The following MYOCD variants were observed in gnomAD, a reference collection of about 807,000 sequenced individuals.
MYOCD encodes myocardin.
A neutral mutation model predicts 96.1 loss-of-function variants in MYOCD; 32 were observed. The ratio of observed to expected loss-of-function variants is 0.33; its 90% CI spans 0.25 to 0.45. The LOEUF is 0.45. Among genes scored for constraint, MYOCD ranks in the 20% least tolerant of loss-of-function variants. The pLI, the probability that MYOCD is intolerant of heterozygous loss-of-function variation, is 1.00. For missense variants in MYOCD, 1,133 were observed against 1,200.6 expected, an observed-to-expected ratio of 0.94 and a Z score of 0.83; for synonymous variants, 469 against 469.0, an observed-to-expected ratio of 1.00 and a Z score of 0.00.
At chr17:12,733,096 G>A (rs189369513) in intron 5 of MYOCD, among the ~76,000 whole-genome samples, 59 of 152,012 alleles carry the variant, frequency 3.9e-4, no homozygotes, top group African/African-American at 1.3e-3. Flanking sequence ...GGATCACGAG[G>A]TCAGGAGATC....
At chr17:12,742,880 AC>A (rs1198929086) in intron 7 of MYOCD, among the ~76,000 whole-genome samples, 1 of 152,064 alleles carries the variant, frequency 6.6e-6, no homozygotes, top group African/African-American at 2.4e-5. Context: ...CCTGAAAATT[AC>A]TTTTTTTTAA....
intron 1 of MYOCD, among the ~76,000 whole-genome samples, chr17:12,686,708 G>A (rs1297733713): frequency 1.3e-5 from 2 of 152,140 alleles, no homozygotes; most frequent in African/African-American, 2.4e-5. Context: ...GCTAGGCAGG[G>A]TACAGAAGAG....
Position 12,763,113 on chromosome 17 carries a change from A to G in MYOCD, c.2430A>G (p.Gln810=). 1.2e-6 allele frequency: 2 copies of G among 1,613,882 alleles called. No individual in the cohort carries two copies. The highest frequency in any genetic ancestry group is 1.7e-6 in the Non-Finnish European group (2 of 1,179,942). ...ADAREDHSCL[Q]KVPKIPRSSR... Reference sequence around the variant, plus strand: ...CTAGAGAGGATCACTCATGTCTTCAAAAAGTCCCAAAGATACCCAGATCTT... The same window carrying G: ...CTAGAGAGGATCACTCATGTCTTCAGAAAGTCCCAAAGATACCCAGATCTT... The change falls in exon 14 of 14, where the codon CAA becomes CAG. Residue 810 remains glutamine, a synonymous_variant. Coordinates refer to ENST00000425538, the MANE Select transcript of MYOCD (RefSeq NM_001146312.3).
At chr17:12,762,927 G>A (rs1371862846) in intron 13 of MYOCD, 146 bp from the exon 14 acceptor site, 3 of 640,936 alleles carry the variant, frequency 4.7e-6, no homozygotes, top group East Asian at 2.7e-5. Context: ...ATTGGAGATT[G>A]ATAGAGCAGC....
intron 1 of MYOCD, among the ~76,000 whole-genome samples, chr17:12,672,385 T>C (rs1350733398): frequency 6.6e-6 from 1 of 152,220 alleles, no homozygotes; most frequent in Non-Finnish European, 1.5e-5. Context: ...ACGACGTTAG[T>C]ACTTTGAATT....
chr17:12,677,689 G>T (rs1466492540), intron 1 of MYOCD, among the ~76,000 whole-genome samples: 1 of 150,364 alleles, frequency 6.7e-6, no homozygotes, highest in East Asian at 2.0e-4. Flanking sequence ...TCCAGCCTGG[G>T]CGACAGAGTG....
intron 5 of MYOCD, among the ~76,000 whole-genome samples, chr17:12,725,058 TTTG>T (rs2031956317): frequency 6.6e-6 from 1 of 152,100 alleles, no homozygotes; most frequent in South Asian, 2.1e-4. Context: ...CTTTGCAAAG[TTTG>T]TTGTTTTTAA....
chr17:12,722,768 A>C, intron 4 of MYOCD, 79 bp from the exon 5 acceptor site: 1 of 1,233,646 alleles, frequency 8.1e-7, no homozygotes, highest in South Asian at 1.5e-5. Flanking sequence ...ATCGTTTGTA[A>C]CCACAAGCCA....
intron 1 of MYOCD, among the ~76,000 whole-genome samples, chr17:12,688,578 G>A (rs527706503): frequency 0.011 from 1,001 of 89,490 alleles, 3 homozygotes; most frequent in South Asian, 0.037. Flanking sequence ...TTCCATCTCC[G>A]TCCCTCCTTC....
intron 1 of MYOCD, among the ~76,000 whole-genome samples, chr17:12,697,064 T>A (rs80123502): frequency 1.3e-5 from 2 of 151,892 alleles, no homozygotes; most frequent in Non-Finnish European, 2.9e-5. Flanking sequence ...CCATGCCCCA[T>A]AACCAATGCC....
chr17:12,740,104 T>G (rs1487512921), intron 7 of MYOCD, among the ~76,000 whole-genome samples: 2 of 152,108 alleles, frequency 1.3e-5, no homozygotes, highest in African/African-American at 2.4e-5. Flanking sequence ...CCCGGCTAAT[T>G]TTTTGTGTTT....
intron 3 of MYOCD, 70 bp from the exon 4 acceptor site, chr17:12,717,276 T>G (rs2031675409): frequency 9.1e-7 from 1 of 1,100,384 alleles, no homozygotes; most frequent in East Asian, 2.4e-5. Context: ...AAAGGTTATT[T>G]TCTCCTGTGA....
At chr17:12,667,863 T>C (rs1321524884) in intron 1 of MYOCD, among the ~76,000 whole-genome samples, 1 of 152,170 alleles carries the variant, frequency 6.6e-6, no homozygotes, top group Non-Finnish European at 1.5e-5. Context: ...CAGCCTCACT[T>C]TTTTTAAAGT....
At chr17:12,715,696 C>T in intron 3 of MYOCD, 122 bp downstream of exon 3, 1 of 668,268 alleles carries the variant, frequency 1.5e-6, no homozygotes, top group Non-Finnish European at 2.6e-6. Context: ...CAGTCCCCTG[C>T]CCTCATATCA....
chr17:12,675,586 C>T (rs1909973185), intron 1 of MYOCD, among the ~76,000 whole-genome samples: 1 of 152,184 alleles, frequency 6.6e-6, no homozygotes, highest in Admixed American at 6.5e-5. Context: ...TGGCCAGGCA[C>T]GGTGGCTCAC....
chr17:12,714,128 T>C (rs1010470339), intron 2 of MYOCD, among the ~76,000 whole-genome samples: 61 of 152,078 alleles, frequency 4.0e-4, no homozygotes, highest in African/African-American at 1.4e-3. Flanking sequence ...ACATTGTTAA[T>C]GTTGGGGTGA....
rs963851519 is a variant in MYOCD, at chr17:12,767,553, A to C, written c.*3909A>C. On this transcript the variant is annotated 3_prime_UTR_variant, in exon 14 of 14. Coordinates refer to ENST00000425538, the MANE Select transcript of MYOCD (RefSeq NM_001146312.3). The stretch of plus-strand genomic sequence containing the variant: ...AATGACCAGGGAGTTGTATTTGCAC[A>C]TGCAAGAACACTAAGAATCTCCCAG... 2.0e-5 allele frequency: 3 copies of C among 152,188 alleles called. No individual in the cohort carries two copies. The highest frequency in any genetic ancestry group is 4.8e-5 in the African/African-American group (2 of 41,452). The allele number at this position is 152,188 out of a possible 1,614,324, so 9.4% of individuals were successfully genotyped here.
Position 12,736,153 on chromosome 17 carries a change from C to T in MYOCD, c.416-8C>T, listed in dbSNP as rs776277507. 2 of 1,613,368 alleles carry T rather than the reference C, an allele frequency of 1.2e-6. No individual in the cohort carries two copies. Among genetic ancestry groups the T allele is most frequent in the Non-Finnish European group, 1.7e-6 (2 of 1,179,552 alleles). ...CACTGACCAAGTTCCTGGATTTCACCCCCTCAGGTAACCAGGTGAGTTTCT... is the reference window on the plus strand; with the variant it reads ...CACTGACCAAGTTCCTGGATTTCACTCCCTCAGGTAACCAGGTGAGTTTCT... On this transcript the variant is annotated splice_region_variant and splice_polypyrimidine_tract_variant and intron_variant, in intron 5 of 13. Transcript: ENST00000425538.
intron 9 of MYOCD, 152 bp downstream of exon 9, chr17:12,746,224 C>A: frequency 1.2e-6 from 1 of 837,048 alleles, no homozygotes; most frequent in Non-Finnish European, 1.8e-6. Context: ...ATTTATCCTG[C>A]TGTGGTTGAA....
Sources: gnomAD v4.1 joint callset for allele counts (sites outside exome capture counted in the v4.1 genomes callset) on GRCh38, gnomAD v4.1.1 for gene constraint, MANE v1.5 for transcripts, NCBI Gene and HGNC (gene_info 2026-07-23, HGNC 2026-07-21) for gene names.